The following TMEFF2 variants were observed in gnomAD, a reference collection of about 807,000 sequenced individuals.
The protein encoded by TMEFF2 is tomoregulin-2.
Under a neutral mutation model 53.8 loss-of-function variants are expected in TMEFF2, and 28 were observed. The observed-to-expected ratio is 0.52, with a 90% CI of 0.39 to 0.71. TMEFF2 has a LOEUF of 0.71. Among genes scored for constraint, TMEFF2 ranks in the 30% least tolerant of loss-of-function variants. The probability of loss-of-function intolerance (pLI) is 0.00; values close to 1 mark genes in which losing one functional copy is unlikely to be tolerated. For missense variants in TMEFF2, 353 were observed against 455.2 expected, an observed-to-expected ratio of 0.78 and a Z score of 2.04; for synonymous variants, 162 against 166.3, an observed-to-expected ratio of 0.97 and a Z score of 0.20.
rs1462644813 is a variant in TMEFF2, at chr2:192,093,313, C to T, written c.440-35538G>A. ...ATGTTTTAGTGCTATGTATTTATTT[C>T]GAGGTAGTATTTGATCTGGTTTAAT... On this transcript the variant is annotated intron_variant, in intron 4 of 9. Transcript: ENST00000272771. Among the ~76,000 whole-genome samples, 5 of 152,150 alleles carry T rather than the reference C, an allele frequency of 3.3e-5. No homozygotes were observed. The South Asian group carries it at 8.3e-4, about 25-fold the overall frequency.
chr2:192,001,883 T>C (rs1686371989), intron 5 of TMEFF2, among the ~76,000 whole-genome samples: 1 of 152,170 alleles, frequency 6.6e-6, no homozygotes, highest in Non-Finnish European at 1.5e-5. Flanking sequence ...AACAGACTAA[T>C]ACAGACAGAA....
intron 4 of TMEFF2, among the ~76,000 whole-genome samples, chr2:192,161,162 C>T (rs990522909): frequency 3.3e-5 from 5 of 151,914 alleles, no homozygotes; most frequent in African/African-American, 9.7e-5. Context: ...TATGAAACAG[C>T]ATATTAATTT....
chr2:192,060,528 T>C (rs1688018642), intron 4 of TMEFF2, among the ~76,000 whole-genome samples: 1 of 152,188 alleles, frequency 6.6e-6, no homozygotes, highest in Admixed American at 6.5e-5. Flanking sequence ...AGCAAGTACA[T>C]GTTTTATTTT....
chr2:192,102,771 G>A (rs576396897), intron 4 of TMEFF2, among the ~76,000 whole-genome samples: 4 of 151,334 alleles, frequency 2.6e-5, no homozygotes, highest in Admixed American at 6.6e-5. Flanking sequence ...GGGTTTCGTC[G>A]TGTTGGCCAG....
chr2:191,989,119 A>T (rs1417495831), intron 7 of TMEFF2, among the ~76,000 whole-genome samples: 1 of 152,216 alleles, frequency 6.6e-6, no homozygotes, highest in African/African-American at 2.4e-5. Flanking sequence ...AGGACATAGC[A>T]ATCCAATAAG....
intron 3 of TMEFF2, among the ~76,000 whole-genome samples, chr2:192,180,536 G>A (rs1267279441): frequency 2.0e-5 from 3 of 151,512 alleles, no homozygotes; most frequent in African/African-American, 7.3e-5. Flanking sequence ...AATACATTTG[G>A]TTATGTATTT....
At chr2:192,028,050 T>G (rs1687014712) in intron 5 of TMEFF2, 2 of 69,722 alleles carry the variant, frequency 2.9e-5, no homozygotes, top group Non-Finnish European at 6.0e-5. Context: ...TGGGAGTGAT[T>G]GAATTATGGG....
At chr2:192,141,104 A>T (rs1219854438) in intron 4 of TMEFF2, among the ~76,000 whole-genome samples, 1 of 152,104 alleles carries the variant, frequency 6.6e-6, no homozygotes, top group Non-Finnish European at 1.5e-5. Context: ...TCCTCTAAGA[A>T]CCGAGAGGGT....
chr2:192,151,530 C>T (rs986545894), intron 4 of TMEFF2, among the ~76,000 whole-genome samples: 3 of 151,772 alleles, frequency 2.0e-5, no homozygotes, highest in Non-Finnish European at 2.9e-5. Context: ...TTGGGAAAGA[C>T]GAGTTTGCTT....
chr2:192,031,042 C>CTGAT (rs1451132075), intron 5 of TMEFF2, among the ~76,000 whole-genome samples: 1 of 152,120 alleles, frequency 6.6e-6, no homozygotes, highest in Non-Finnish European at 1.5e-5. Context: ...CAGAAATGAT[C>CTGAT]TGATAGTCAT....
At chr2:192,036,809 G>T (rs1046629876) in intron 5 of TMEFF2, 5 of 152,150 alleles carry the variant, frequency 3.3e-5, no homozygotes, top group Non-Finnish European at 5.9e-5. Context: ...TGCATAGCTG[G>T]CTCTCGCTAT....
chr2:192,029,714 T>C (rs1412012166), intron 5 of TMEFF2, among the ~76,000 whole-genome samples: 3 of 152,238 alleles, frequency 2.0e-5, no homozygotes, highest in Non-Finnish European at 2.9e-5. Flanking sequence ...ATATTTATCA[T>C]ATTAGAAAAT....
intron 4 of TMEFF2, among the ~76,000 whole-genome samples, chr2:192,080,323 T>G (rs1688522702): frequency 6.6e-6 from 1 of 152,264 alleles, no homozygotes; most frequent in East Asian, 1.9e-4. Context: ...ATTCTCCTGA[T>G]AGTGAGTGAG....
At position 191,951,554 on chromosome 2, in the gene TMEFF2, T is replaced by G. The variant is rs1306200018; in HGVS notation, c.1029-1147A>C. On this transcript the variant is annotated intron_variant, in intron 9 of 9. Transcript: ENST00000272771. The stretch of plus-strand genomic sequence containing the variant: ...GGAGGACTTCTGCTTGTTGCAATTT[T>G]GTAAATCTTTTAGCAAGACCTATTT... 3.9e-5 allele frequency among the ~76,000 whole-genome samples: 6 copies of G among 152,056 alleles called. No homozygotes were observed. In the East Asian group the frequency reaches 9.7e-4, roughly 24 times the overall value.
At chr2:191,983,299 G>T (rs1482040963) in intron 7 of TMEFF2, among the ~76,000 whole-genome samples, 1 of 152,022 alleles carries the variant, frequency 6.6e-6, no homozygotes, top group African/African-American at 2.4e-5. Context: ...TTTTTAGACA[G>T]GTGTCAGGAA....
At chr2:192,080,042 G>A (rs1460117319) in intron 4 of TMEFF2, among the ~76,000 whole-genome samples, 2 of 152,156 alleles carry the variant, frequency 1.3e-5, no homozygotes, top group Admixed American at 6.5e-5. Flanking sequence ...TGATGACATA[G>A]TCCAATAGAG....
intron 4 of TMEFF2, among the ~76,000 whole-genome samples, chr2:192,113,893 A>C (rs1689339923): frequency 6.6e-6 from 1 of 152,166 alleles, no homozygotes. Flanking sequence ...ACTGAAGCTC[A>C]GAAAAGGGCA....
chr2:192,114,662 G>T (rs2105959115), intron 4 of TMEFF2, among the ~76,000 whole-genome samples: 1 of 151,896 alleles, frequency 6.6e-6, no homozygotes, highest in Middle Eastern at 3.4e-3. Context: ...AATAAGTTAA[G>T]AAAACAATTC....
chr2:192,016,871 T>C (rs531914778), intron 5 of TMEFF2, among the ~76,000 whole-genome samples: 1 of 152,308 alleles, frequency 6.6e-6, no homozygotes, highest in Admixed American at 6.5e-5. Flanking sequence ...ATATCTAACA[T>C]GTCGCATCAC....
Sources: gnomAD v4.1 joint callset for allele counts (sites outside exome capture counted in the v4.1 genomes callset) on GRCh38, gnomAD v4.1.1 for gene constraint, MANE v1.5 for transcripts, NCBI Gene and HGNC (gene_info 2026-07-23, HGNC 2026-07-21) for gene names.